Variants in GREB1 observed in about 807,000 individuals in gnomAD.
The protein encoded by GREB1 is growth regulating estrogen receptor binding 1.
In GREB1, 106 loss-of-function variants were observed where a neutral mutation model predicts 200.7. The ratio of observed to expected loss-of-function variants is 0.53; its 90% CI spans 0.45 to 0.62. The LOEUF (loss-of-function observed/expected upper bound fraction) is 0.62. GREB1 is among the 20% of genes least tolerant of loss of function. The pLI is 0.00. For missense variants in GREB1, 2,243 were observed against 2,556.8 expected (o/e 0.88, Z 2.65); for synonymous variants, 1,132 against 1,092.4 (o/e 1.04, Z -0.72).
chr2:11,545,455 T>C (rs1477190151), intron 1 of GREB1, among the ~76,000 whole-genome samples: 1 of 152,116 alleles, frequency 6.6e-6, no homozygotes, highest in Non-Finnish European at 1.5e-5. Context: ...CTATGGCAGC[T>C]CCCCTTTTGG....
chr2:11,600,719 A>G, intron 15 of GREB1, 81 bp from the exon 16 acceptor site: 1 of 1,117,322 alleles, frequency 8.9e-7, no homozygotes, highest in South Asian at 1.3e-5. Flanking sequence ...GGGGTTAGTT[A>G]TAAATTTATT....
intron 21 of GREB1, among the ~76,000 whole-genome samples, chr2:11,617,310 C>T (rs148367987): frequency 8.5e-5 from 13 of 152,258 alleles, no homozygotes; most frequent in Non-Finnish European, 1.2e-4. Flanking sequence ...ACAGAGGCCC[C>T]GGGCAAGTCA....
chr2:11,544,911 G>A (rs1675119941), intron 1 of GREB1, among the ~76,000 whole-genome samples: 1 of 152,054 alleles, frequency 6.6e-6, no homozygotes. Flanking sequence ...GCCTCCCGGG[G>A]TCAAACGATT....
In GREB1 at chr2:11,625,325, A is replaced by G. The variant is rs780786048; in HGVS notation, c.4306+13A>G. 1 of 1,613,466 alleles carries G rather than the reference A, an allele frequency of 6.2e-7. No homozygotes were observed. Among genetic ancestry groups the G allele is most frequent in the South Asian group, 1.1e-5 (1 of 91,040 alleles). ...ATAAAGAGTGAAGGTCAGACTTTGA[A>G]TCTCTCGTTTCACCTTCCAGAGTGC... is the stretch of plus-strand genomic sequence containing the variant. On this transcript the variant is annotated intron_variant, in intron 24 of 32. Coordinates refer to ENST00000381486, the MANE Select transcript of GREB1 (RefSeq NM_014668.4).
At chr2:11,503,862 C>T (rs111306656) in intron 1 of GREB1, among the ~76,000 whole-genome samples, 1 of 145,156 alleles carries the variant, frequency 6.9e-6, no homozygotes, top group African/African-American at 2.6e-5. Context: ...GTAATTCCCC[C>T]TTGTCCATGG....
intron 1 of GREB1, among the ~76,000 whole-genome samples, chr2:11,539,637 A>C (rs776673018): frequency 1.3e-5 from 2 of 152,018 alleles, no homozygotes; most frequent in Non-Finnish European, 2.9e-5. Context: ...AATCAGTTTA[A>C]CTGTTGGTGG....
chr2:11,626,499 A>G (rs1389444422), intron 24 of GREB1, among the ~76,000 whole-genome samples: 1 of 152,154 alleles, frequency 6.6e-6, no homozygotes, highest in African/African-American at 2.4e-5. Context: ...GAGGCAGGAG[A>G]ATCACTTGAA....
At position 11,587,726 on chromosome 2, in the gene GREB1, C is replaced by CAT; in HGVS notation, c.1160-1019_1160-1018insTA. ...ACACACACACACACACACACACACA[C>CAT]ACACACACACACACACGCCACCTTT... is the stretch of plus-strand genomic sequence containing the variant. On this transcript the variant is annotated intron_variant, in intron 9 of 32. Transcript: ENST00000381486. 2.5e-6 allele frequency: 3 copies of CAT among 1,209,038 alleles called. No individual in the cohort carries two copies. In the South Asian group the frequency reaches 7.8e-5, roughly 31 times the overall value. 74.9% of individuals were successfully genotyped at this position (1,209,038 alleles called of 1,614,324 possible). A position where few individuals can be genotyped will look rare whatever the true frequency, so the allele number is the denominator to read the frequency against.
chr2:11,607,581 T>G (rs78281667), intron 17 of GREB1, among the ~76,000 whole-genome samples: 5 of 72,212 alleles, frequency 6.9e-5, no homozygotes, highest in African/African-American at 2.1e-4. Context: ...TATACACATA[T>G]ATACATATAT....
chr2:11,641,175 A>G lies in GREB1; in HGVS notation c.*721A>G, dbSNP rs1409871719. ...AGTTGGCGGGGAGGAAATAAGGCTAACAGAGGTTGACCTAAAATTAGCCTT... is the reference window on the plus strand; with the variant it reads ...AGTTGGCGGGGAGGAAATAAGGCTAGCAGAGGTTGACCTAAAATTAGCCTT... On this transcript the variant is annotated 3_prime_UTR_variant, in exon 33 of 33. Coordinates refer to ENST00000381486, the MANE Select transcript of GREB1 (RefSeq NM_014668.4). The G allele has an allele frequency of 2.0e-5, 3 of 152,152 alleles. No individual in the cohort carries two copies. The highest frequency in any genetic ancestry group is 7.2e-5 in the African/African-American group (3 of 41,444). The allele number at this position is 152,152 out of a possible 1,614,324, so 9.4% of individuals were successfully genotyped here. A position where few individuals can be genotyped will look rare whatever the true frequency, so the allele number is the denominator to read the frequency against.
chr2:11,635,228 G>A (rs1685213370), intron 29 of GREB1, 42 bp from the exon 30 acceptor site: 1 of 1,612,432 alleles, frequency 6.2e-7, no homozygotes, highest in Non-Finnish European at 8.5e-7. Context: ...GAGGGTGTGA[G>A]CTGTGCCCCA....
At chr2:11,564,036 T>C (rs1018103815) in intron 3 of GREB1, among the ~76,000 whole-genome samples, 4 of 152,056 alleles carry the variant, frequency 2.6e-5, no homozygotes, top group African/African-American at 7.2e-5. Flanking sequence ...GCCAGGAGAC[T>C]GTGGAGGGGT....
At chr2:11,599,411 C>T (rs1219057904) in intron 15 of GREB1, among the ~76,000 whole-genome samples, 1 of 150,942 alleles carries the variant, frequency 6.6e-6, no homozygotes, top group African/African-American at 2.4e-5. Context: ...GCGATCTCGG[C>T]TCACTGCAGG....
chr2:11,562,249 A>G (rs1677134278), intron 2 of GREB1, among the ~76,000 whole-genome samples: 2 of 152,254 alleles, frequency 1.3e-5, no homozygotes, highest in Non-Finnish European at 1.5e-5. Context: ...AAGGTTGATA[A>G]AACCCGACTG....
At position 11,515,133 on chromosome 2, in the gene GREB1, T is replaced by C. The variant is rs75585682; in HGVS notation, c.-159+32752T>C. Among the ~76,000 whole-genome samples, 228 of 144,384 alleles carry C rather than the reference T, an allele frequency of 1.6e-3. 1 individual carries two copies. Among genetic ancestry groups the C allele is most frequent in the Middle Eastern group, 0.01 (3 of 288 alleles). 94.7% of individuals were successfully genotyped at this position (144,384 alleles called of 152,430 possible). On this transcript the variant is annotated intron_variant, in intron 1 of 2. Coordinates refer to the GREB1 transcript ENST00000628795. ...TTCCATCCATCCATCCATCCATCCA[T>C]CCACCCACCCCCCATCCGTCCATCT...
At chr2:11,521,802 A>G (rs934929982) in intron 1 of GREB1, among the ~76,000 whole-genome samples, 5 of 152,232 alleles carry the variant, frequency 3.3e-5, no homozygotes, top group African/African-American at 1.2e-4. Context: ...GTATTTAGAA[A>G]TATTCTGAGC....
intron 31 of GREB1, 94 bp from the exon 32 acceptor site, chr2:11,638,577 A>G: frequency 9.3e-7 from 1 of 1,073,504 alleles, no homozygotes; most frequent in Non-Finnish European, 1.4e-6. Flanking sequence ...AGCTGGACCA[A>G]GCAGTTGGTA....
intron 1 of GREB1, among the ~76,000 whole-genome samples, chr2:11,508,116 G>A (rs1006759362): frequency 1.3e-5 from 2 of 152,270 alleles, no homozygotes; most frequent in Admixed American, 1.3e-4. Context: ...TCTGAGAGAA[G>A]GAGAAACAGA....
chr2:11,540,770 CAA>C (rs34137466), intron 1 of GREB1: 92,875 of 153,752 alleles, frequency 0.6, 30,849 homozygotes, highest in South Asian at 0.84. Context: ...GGAGGACCGT[CAA>C]AGAGTTTATA....
Sources: allele counts gnomAD v4.1 joint callset (sites outside exome capture counted in the v4.1 genomes callset), GRCh38; gene constraint gnomAD v4.1.1; transcripts MANE v1.5; gene names NCBI Gene and HGNC (gene_info 2026-07-23, HGNC 2026-07-21).